The following C12orf54 variants were observed in gnomAD, a reference collection of about 807,000 sequenced individuals.
The protein encoded by C12orf54 is uncharacterized protein C12orf54.
In C12orf54, 24 loss-of-function variants were observed where a neutral mutation model predicts 26.4. That is an observed-to-expected ratio of 0.91 (90% CI 0.66 to 1.28). The LOEUF (loss-of-function observed/expected upper bound fraction) is 1.28. C12orf54 is among the 50% of genes most tolerant of loss of function. The probability of loss-of-function intolerance (pLI) is 0.00; values close to 1 mark genes in which losing one functional copy is unlikely to be tolerated. For missense variants in C12orf54, 154 were observed against 150.9 expected (o/e 1.02, Z -0.11); for synonymous variants, 54 against 47.0 (o/e 1.15, Z -0.61).
the C12orf54 span, among the ~76,000 whole-genome samples, chr12:48,453,536 C>CATACATATATATACACATATAT: frequency 9.4e-5 from 3 of 31,944 alleles, 1 homozygote; most frequent in African/African-American, 2.1e-4. Context: ...TATATATACA[C>CATACATATATATACACATATAT]ATACATATAT....
the C12orf54 span, among the ~76,000 whole-genome samples, chr12:48,418,203 G>A: frequency 6.6e-6 from 1 of 152,198 alleles, no homozygotes; most frequent in African/African-American, 2.4e-5. Context: ...CAAAATGAAG[G>A]AAAGCAAAGC....
the C12orf54 span, among the ~76,000 whole-genome samples, chr12:48,437,963 G>C: frequency 6.9e-3 from 1,050 of 152,260 alleles, 18 homozygotes; most frequent in African/African-American, 0.024. Context: ...AAGTCAAATT[G>C]TCCCTGTTTG....
upstream of C12orf54, among the ~76,000 whole-genome samples, chr12:48,480,749 ATGTACT>A (rs201274359): frequency 0.012 from 1,777 of 152,272 alleles, 149 homozygotes; most frequent in Admixed American, 0.1. Context: ...AAAAAGACAC[ATGTACT>A]TGTATGTTTA....
the C12orf54 span, among the ~76,000 whole-genome samples, chr12:48,453,563 A>ATGTG: frequency 7.7e-5 from 2 of 25,942 alleles, 1 homozygote; most frequent in Non-Finnish European, 1.7e-4. Context: ...ATATATATAC[A>ATGTG]TATATATACA....
the C12orf54 span, among the ~76,000 whole-genome samples, chr12:48,450,025 C>T: frequency 6.6e-6 from 1 of 152,304 alleles, no homozygotes; most frequent in South Asian, 2.1e-4. Context: ...ATCCTGAGGC[C>T]TCCCCATCTA....
At chr12:48,485,876 T>C (rs879638679) in intron 2 of C12orf54, among the ~76,000 whole-genome samples, 1 of 152,144 alleles carries the variant, frequency 6.6e-6, no homozygotes, top group Admixed American at 6.5e-5. Flanking sequence ...TGGACATAAA[T>C]TAGGCAGGCA....
chr12:48,488,760 A>G (rs1029577442), intron 4 of C12orf54, among the ~76,000 whole-genome samples, 164 bp from the exon 5 acceptor site: 1 of 152,208 alleles, frequency 6.6e-6, no homozygotes, highest in Non-Finnish European at 1.5e-5. Context: ...AGTGGAAGTC[A>G]ATGAGGATTT....
chr12:48,435,015 A>G, the C12orf54 span, among the ~76,000 whole-genome samples: 1 of 152,230 alleles, frequency 6.6e-6, no homozygotes, highest in Non-Finnish European at 1.5e-5. Context: ...AACTTTGAAA[A>G]AAAATTAGAC....
At chr12:48,422,835 C>T in the C12orf54 span, among the ~76,000 whole-genome samples, 1 of 151,904 alleles carries the variant, frequency 6.6e-6, no homozygotes, top group Non-Finnish European at 1.5e-5. Flanking sequence ...TTGATACTCA[C>T]ATGGAAGAAT....
the C12orf54 span, among the ~76,000 whole-genome samples, chr12:48,414,074 T>C: frequency 1.3e-5 from 2 of 152,366 alleles, no homozygotes; most frequent in Admixed American, 6.5e-5. Flanking sequence ...CAATTACAGA[T>C]TGATAAAGCG....
chr12:48,459,195 C>A, the C12orf54 span, among the ~76,000 whole-genome samples: 1 of 152,162 alleles, frequency 6.6e-6, no homozygotes, highest in African/African-American at 2.4e-5. Context: ...GTCCTGCTAT[C>A]GCAGTGGTAG....
At chr12:48,451,602 A>G in the C12orf54 span, among the ~76,000 whole-genome samples, 1 of 152,214 alleles carries the variant, frequency 6.6e-6, no homozygotes, top group African/African-American at 2.4e-5. Context: ...CAATCATCTC[A>G]GCCCAAAAGC....
chr12:48,448,286 T>C, the C12orf54 span, among the ~76,000 whole-genome samples: 7 of 152,338 alleles, frequency 4.6e-5, no homozygotes, highest in Non-Finnish European at 8.8e-5. Flanking sequence ...CAGTAGAAAA[T>C]GAATATATTT....
At chr12:48,434,907 C>T in the C12orf54 span, among the ~76,000 whole-genome samples, 5 of 152,116 alleles carry the variant, frequency 3.3e-5, no homozygotes, top group Non-Finnish European at 7.4e-5. Flanking sequence ...CAAAGCTGGA[C>T]AGAGAATGAC....
At chr12:48,415,093 A>G in the C12orf54 span, among the ~76,000 whole-genome samples, 1 of 152,214 alleles carries the variant, frequency 6.6e-6, no homozygotes, top group Non-Finnish European at 1.5e-5. Context: ...CATTCCCATC[A>G]GTGGCTGTAG....
chr12:48,476,977 A>C, the C12orf54 span, among the ~76,000 whole-genome samples: 1 of 152,200 alleles, frequency 6.6e-6, no homozygotes, highest in Non-Finnish European at 1.5e-5. Flanking sequence ...CTATTCCAAA[A>C]TTGACCACAT....
At chr12:48,442,494 GA>G in the C12orf54 span, 1 of 156,934 alleles carries the variant, frequency 6.4e-6, no homozygotes, top group East Asian at 1.9e-4. Flanking sequence ...AGGGCATCCA[GA>G]AAAGCCAAGC....
At chr12:48,447,451 A>G in the C12orf54 span, among the ~76,000 whole-genome samples, 26 of 152,138 alleles carry the variant, frequency 1.7e-4, no homozygotes, top group Non-Finnish European at 3.2e-4. Context: ...TTCAAAATAA[A>G]TGCCTCTACC....
chr12:48,492,048 A>C (rs1937800830), intron 6 of C12orf54, among the ~76,000 whole-genome samples: 1 of 152,214 alleles, frequency 6.6e-6, no homozygotes, highest in South Asian at 2.1e-4. Context: ...ATTGAATTCA[A>C]GGATTTTTAT....
Sources: gnomAD v4.1 joint callset for allele counts (sites outside exome capture counted in the v4.1 genomes callset) on GRCh38, gnomAD v4.1.1 for gene constraint, MANE v1.5 for transcripts, NCBI Gene and HGNC (gene_info 2026-07-23, HGNC 2026-07-21) for gene names.